The following OR9Q1 variants were observed in gnomAD, a reference collection of about 807,000 sequenced individuals.
OR9Q1 encodes the protein olfactory receptor 9Q1.
For synonymous variants in OR9Q1, 153 were observed against 148.6 expected, an observed-to-expected ratio of 1.03 and a Z score of -0.22; for missense variants, 374 against 378.8, an observed-to-expected ratio of 0.99 and a Z score of 0.11.
At chr11:58,091,041 A>G (rs1249973672) in intron 2 of OR9Q1, among the ~76,000 whole-genome samples, 1 of 150,040 alleles carries the variant, frequency 6.7e-6, no homozygotes, top group Non-Finnish European at 1.5e-5. Flanking sequence ...TTTCTTCTTT[A>G]TTAGTCTAGT....
chr11:58,046,691 G>A (rs548907152), intron 1 of OR9Q1, among the ~76,000 whole-genome samples: 89 of 152,094 alleles, frequency 5.9e-4, no homozygotes, highest in Non-Finnish European at 1.1e-3. Flanking sequence ...GTGAAACCCC[G>A]TCTCTACTAA....
At chr11:58,135,340 C>A (rs1854179650) in intron 2 of OR9Q1, among the ~76,000 whole-genome samples, 1 of 152,154 alleles carries the variant, frequency 6.6e-6, no homozygotes, top group Non-Finnish European at 1.5e-5. Flanking sequence ...GCTCTATTTT[C>A]ATCTCTCGCT....
chr11:58,075,486 T>G (rs1853530919), intron 2 of OR9Q1: 1 of 152,250 alleles, frequency 6.6e-6, no homozygotes, highest in Non-Finnish European at 1.5e-5. Flanking sequence ...AACGTGATGG[T>G]GTTAGGAGGT....
chr11:58,180,203 C>G lies in OR9Q1; in HGVS notation c.759C>G (p.Thr253=). Residue 253 remains threonine, a synonymous_variant, in exon 3 of 3, where the codon ACC becomes ACG. Transcript: ENST00000335397. ...CTGCTGTGTCACTCTTCTTTGGTAC[C>G]CTCATCTTCATGTACTTGAGAGGTA... is the stretch of plus-strand genomic sequence containing the variant. ...HLTAVSLFFG[T]LIFMYLRGNS... 4 of 1,614,024 alleles carry G rather than the reference C, an allele frequency of 2.5e-6. No homozygotes were observed. The highest frequency in any genetic ancestry group is 3.4e-6 in the Non-Finnish European group (4 of 1,179,976).
intron 2 of OR9Q1, chr11:58,118,956 G>A: frequency 6.2e-7 from 1 of 1,613,928 alleles, no homozygotes; most frequent in Non-Finnish European, 8.5e-7. Context: ...AGAGGGTGAA[G>A]GTGCAAGTGG....
At chr11:58,120,803 C>CATATATATATATATATATATATAT (rs61634454) in intron 2 of OR9Q1, among the ~76,000 whole-genome samples, 8 of 132,680 alleles carry the variant, frequency 6.0e-5, no homozygotes, top group Non-Finnish European at 1.1e-4. Flanking sequence ...ATTTCAATAC[C>CATATATATATATATATATATATAT]ATATATATAT....
chr11:58,056,285 T>C (rs1224397652), intron 2 of OR9Q1, among the ~76,000 whole-genome samples: 1 of 152,182 alleles, frequency 6.6e-6, no homozygotes, highest in Non-Finnish European at 1.5e-5. Flanking sequence ...GTTCTCTCTG[T>C]TGGACCTAGA....
chr11:58,159,433 A>G (rs959142734), intron 2 of OR9Q1, among the ~76,000 whole-genome samples: 2 of 150,964 alleles, frequency 1.3e-5, no homozygotes, highest in Non-Finnish European at 3.0e-5. Context: ...ACCTAGCATC[A>G]GCTTACAGAA....
intron 2 of OR9Q1, among the ~76,000 whole-genome samples, chr11:58,156,733 A>G (rs1382977285): frequency 6.6e-6 from 1 of 152,118 alleles, no homozygotes; most frequent in Non-Finnish European, 1.5e-5. Context: ...GTATTGATCT[A>G]TACTCTCTCT....
chr11:58,101,874 G>A (rs2120087566), intron 2 of OR9Q1, among the ~76,000 whole-genome samples: 1 of 152,238 alleles, frequency 6.6e-6, no homozygotes, highest in East Asian at 1.9e-4. Flanking sequence ...AGCCTCCCGA[G>A]TAGCTGGGAT....
At chr11:58,167,006 G>A (rs750421241) in intron 2 of OR9Q1, among the ~76,000 whole-genome samples, 4 of 152,024 alleles carry the variant, frequency 2.6e-5, no homozygotes, top group Non-Finnish European at 5.9e-5. Flanking sequence ...TCATCTACCC[G>A]TTTCCCACTC....
intron 2 of OR9Q1, among the ~76,000 whole-genome samples, chr11:58,136,373 A>G (rs1854189166): frequency 6.6e-6 from 1 of 152,160 alleles, no homozygotes; most frequent in Non-Finnish European, 1.5e-5. Context: ...GCAGTTTCAA[A>G]TATTTGTAGG....
chr11:58,037,662 T>A (rs1223296601), intron 1 of OR9Q1, among the ~76,000 whole-genome samples: 1 of 5,186 alleles, frequency 1.9e-4, no homozygotes, highest in Non-Finnish European at 6.8e-4. Flanking sequence ...ACTATATATA[T>A]ATATATATAT....
chr11:58,114,154 G>A (rs557388493), intron 2 of OR9Q1, among the ~76,000 whole-genome samples: 1 of 152,270 alleles, frequency 6.6e-6, no homozygotes, highest in African/African-American at 2.4e-5. Context: ...CAGCATTGCT[G>A]GGTAAAATTC....
intron 2 of OR9Q1, among the ~76,000 whole-genome samples, chr11:58,067,934 T>G (rs555884101): frequency 4.6e-5 from 7 of 152,224 alleles, no homozygotes; most frequent in Admixed American, 2.6e-4. Flanking sequence ...CTGCTGAGTG[T>G]TTTGAAGTAT....
At chr11:58,043,226 C>A (rs1853183731) in intron 1 of OR9Q1, among the ~76,000 whole-genome samples, 1 of 152,166 alleles carries the variant, frequency 6.6e-6, no homozygotes, top group Non-Finnish European at 1.5e-5. Flanking sequence ...CCTGGTGGTT[C>A]CTTCTCAGCT....
chr11:58,133,779 A>G (rs1854165112), intron 2 of OR9Q1, among the ~76,000 whole-genome samples: 1 of 152,230 alleles, frequency 6.6e-6, no homozygotes, highest in Non-Finnish European at 1.5e-5. Context: ...ATGATTCAGC[A>G]TGACGCCATT....
chr11:58,153,499 C>T (rs8181506), intron 2 of OR9Q1, among the ~76,000 whole-genome samples: 38,352 of 151,406 alleles, frequency 0.25, 5,911 homozygotes, highest in East Asian at 0.62. Context: ...GGGTCATGCT[C>T]TATAGGAGCA....
At chr11:58,161,274 G>A (rs1413745347) in intron 2 of OR9Q1, among the ~76,000 whole-genome samples, 2 of 151,490 alleles carry the variant, frequency 1.3e-5, no homozygotes, top group Non-Finnish European at 2.9e-5. Context: ...TTATATATGT[G>A]ACTGAACCAA....
Sources: allele counts gnomAD v4.1 joint callset (sites outside exome capture counted in the v4.1 genomes callset), GRCh38; gene constraint gnomAD v4.1.1; transcripts MANE v1.5; gene names NCBI Gene and HGNC (gene_info 2026-07-23, HGNC 2026-07-21).